RAB19: variants seen among roughly 807,000 people sequenced by gnomAD.
RAB19 encodes ras-related protein Rab-19.
Under a neutral mutation model 17.3 loss-of-function variants are expected in RAB19, and 21 were observed. The observed-to-expected ratio is 1.21, with a 90% CI of 0.86 to 1.74. RAB19 has a LOEUF of 1.74. RAB19 is among the 40% of genes most tolerant of loss of function. The pLI, the probability that RAB19 is intolerant of heterozygous loss-of-function variation, is 0.00. For synonymous variants in RAB19, 126 were observed against 110.4 expected, an observed-to-expected ratio of 1.14 and a Z score of -0.88; for missense variants, 277 against 286.8, an observed-to-expected ratio of 0.97 and a Z score of 0.25.
intron 2 of RAB19, among the ~76,000 whole-genome samples, chr7:140,408,948 C>T (rs879847507): frequency 3.3e-5 from 5 of 152,120 alleles, no homozygotes; most frequent in African/African-American, 4.8e-5. Flanking sequence ...GTTGTAGAGA[C>T]AGGATTTTCC....
chr7:140,413,681 G>A (rs1353961206), intron 3 of RAB19, among the ~76,000 whole-genome samples: 8 of 152,056 alleles, frequency 5.3e-5, no homozygotes, highest in Non-Finnish European at 1.2e-4. Flanking sequence ...CAGCCTGGGT[G>A]AGAAAGCAAA....
chr7:140,426,113 C>A lies in RAB19; in HGVS notation c.617C>A (p.Ala206Asp), dbSNP rs1197980303. The A allele has an allele frequency of 6.2e-7, 1 of 1,614,112 alleles. No individual in the cohort carries two copies. The highest frequency in any genetic ancestry group is 1.7e-5 in the Admixed American group (1 of 59,988). ...LPLDSSPVLM[A>D]QGPSEKTHCT... ...CTGGACTCCAGCCCCGTTCTTATGG[C>A]CCAGGGTCCAAGTGAAAAGACCCAC... The change falls in exon 4 of 4, where the codon GCC (alanine) becomes GAC (aspartate). Residue 206 changes from alanine to aspartate, a missense_variant. By Grantham distance (126) the Ala-to-Asp change is moderately radical. Coordinates refer to ENST00000537763, the MANE Select transcript of RAB19 (RefSeq NM_001008749.3).
intron 2 of RAB19, 32 bp downstream of exon 2, chr7:140,407,879 CCTT>C (rs528525202): frequency 0.02 from 16,461 of 842,176 alleles, 227 homozygotes; most frequent in Non-Finnish European, 0.022. Flanking sequence ...ACTGGTTCCA[CCTT>C]TTTTTTTTTT....
intron 3 of RAB19, among the ~76,000 whole-genome samples, chr7:140,423,631 C>T (rs1050134145): frequency 1.3e-5 from 2 of 152,066 alleles, no homozygotes; most frequent in African/African-American, 4.8e-5. Flanking sequence ...ATATAATATT[C>T]TGGAACTAGA....
chr7:140,413,101 G>A (rs1799396520), intron 3 of RAB19, among the ~76,000 whole-genome samples: 1 of 152,010 alleles, frequency 6.6e-6, no homozygotes, highest in African/African-American at 2.4e-5. Flanking sequence ...ACTCCATATG[G>A]GTATCCAGTT....
rs760964553 is a variant in RAB19 at position 140,409,992 on chromosome 7, CAA to C, written c.202-1863_202-1862del. On this transcript the variant is annotated intron_variant, in intron 2 of 3. Coordinates refer to ENST00000537763, the MANE Select transcript of RAB19 (RefSeq NM_001008749.3). ...TGGGCAACAGAGCGAGACTCCGTCT[CAA>C]AAAAAAAAAAAAAAAAAAGATAATA... 2.8e-3 allele frequency among the ~76,000 whole-genome samples: 265 copies of C among 94,148 alleles called. 1 individual carries two copies. Among genetic ancestry groups the C allele is most frequent in the East Asian group, 0.016 (55 of 3,458 alleles). The allele number at this position is 94,148 out of a possible 152,430, so 61.8% of individuals were successfully genotyped here. A position where few individuals can be genotyped will look rare whatever the true frequency, so the allele number is the denominator to read the frequency against.
At chr7:140,418,809 T>C (rs1219856374) in intron 3 of RAB19, among the ~76,000 whole-genome samples, 1 of 145,680 alleles carries the variant, frequency 6.9e-6, no homozygotes, top group Admixed American at 7.0e-5. Flanking sequence ...CAGTGAGCTG[T>C]GATCACACCA....
At chr7:140,418,857 T>TC (rs1799509607) in intron 3 of RAB19, among the ~76,000 whole-genome samples, 1 of 68,936 alleles carries the variant, frequency 1.5e-5, no homozygotes, top group Admixed American at 1.7e-4. Context: ...AAACCCTGTC[T>TC]CAAAAAAAAA....
chr7:140,425,397 A>G (rs1166047867), intron 3 of RAB19, among the ~76,000 whole-genome samples: 2 of 151,626 alleles, frequency 1.3e-5, no homozygotes, highest in Non-Finnish European at 2.9e-5. Flanking sequence ...AGCATCCAAC[A>G]CTCTGCTGTT....
At chr7:140,409,669 G>A (rs1427700384) in intron 2 of RAB19, among the ~76,000 whole-genome samples, 1 of 151,846 alleles carries the variant, frequency 6.6e-6, no homozygotes, top group African/African-American at 2.4e-5. Flanking sequence ...TTGCACTCCA[G>A]CCTGGGAGTC....
chr7:140,426,390 G>T lies in RAB19; in HGVS notation c.*240G>T, dbSNP rs1799672900. ...CACTGACTCTTGACTCCTGGAGAAG[G>T]CAGGACTTCAGGCTAGGAGAGGGAG... On this transcript the variant is annotated 3_prime_UTR_variant, in exon 4 of 4. Coordinates refer to ENST00000537763, the MANE Select transcript of RAB19 (RefSeq NM_001008749.3). The T allele has an allele frequency of 3.7e-5, 19 of 508,178 alleles. No homozygotes were observed. The East Asian group carries it at 5.9e-4, about 16-fold the overall frequency. 31.5% of individuals were successfully genotyped at this position (508,178 alleles called of 1,614,324 possible). A position where few individuals can be genotyped will look rare whatever the true frequency, so the allele number is the denominator to read the frequency against.
intron 3 of RAB19, among the ~76,000 whole-genome samples, chr7:140,419,944 T>TA (rs1219724590): frequency 1.3e-5 from 2 of 152,236 alleles, no homozygotes; most frequent in Non-Finnish European, 2.9e-5. Context: ...TGTTGTGAAA[T>TA]ACTTTTCAAG....
rs1799371646 is a variant in RAB19 at position 140,411,939 on chromosome 7, T to C, written c.267T>C (p.Ser89=). Residue 89 remains serine (S), a synonymous_variant, in exon 3 of 4, where the codon AGT becomes AGC. Coordinates refer to ENST00000537763, the MANE Select transcript of RAB19 (RefSeq NM_001008749.3). The part of the protein sequence containing the change: ...FRTITQSYYR[S]AHAAIIAYDL... ...CCATCACCCAAAGCTACTACCGCAG[T>C]GCCCACGCAGCCATCATCGCCTATG... The C allele has an allele frequency of 6.2e-7, 1 of 1,614,198 alleles. No homozygotes were observed. Among genetic ancestry groups the C allele is most frequent in the Non-Finnish European group, 8.5e-7 (1 of 1,180,044 alleles).
chr7:140,415,266 G>T lies in RAB19; in HGVS notation c.385+3209G>T, dbSNP rs569927588. ...ATTTTTGTGTTTTTAGTAGAGACAG[G>T]GTTTCACCATGTTGGCCAGACTGGT... On this transcript the variant is annotated intron_variant, in intron 3 of 3. Transcript: ENST00000537763. Among the ~76,000 whole-genome samples, 616 of 151,982 alleles carry T rather than the reference G, an allele frequency of 4.1e-3. 6 individuals carry two copies. Among genetic ancestry groups the T allele is most frequent in the Non-Finnish European group, 4.8e-3 (329 of 67,962 alleles).
intron 2 of RAB19, among the ~76,000 whole-genome samples, 197 bp downstream of exon 2, chr7:140,408,044 AT>A (rs35586721): frequency 0.027 from 3,904 of 142,326 alleles, 85 homozygotes; most frequent in Non-Finnish European, 0.039. Flanking sequence ...CGCCCGGCAA[AT>A]TTTTTTTTTT....
rs368683324 is a variant in RAB19, at chr7:140,413,436, C to T, written c.385+1379C>T. ...GTGATGAATGTCTTTGGGCCAGGCA[C>T]GGTGGTTCATGCCTGTAATCCCAGC... On this transcript the variant is annotated intron_variant, in intron 3 of 3. Transcript: ENST00000537763. Among the ~76,000 whole-genome samples the T allele has an allele frequency of 7.9e-5, 12 of 151,084 alleles. No individual in the cohort carries two copies. The South Asian group carries it at 1.7e-3, about 21-fold the overall frequency.
At chr7:140,424,965 T>C (rs1184168640) in intron 3 of RAB19, among the ~76,000 whole-genome samples, 3 of 152,010 alleles carry the variant, frequency 2.0e-5, no homozygotes, top group Non-Finnish European at 2.9e-5. Flanking sequence ...GGCAAACTTT[T>C]ATTGTATGTA....
intron 2 of RAB19, among the ~76,000 whole-genome samples, chr7:140,409,257 G>T (rs372435914): frequency 4.0e-5 from 6 of 151,850 alleles, no homozygotes; most frequent in African/African-American, 1.4e-4. Flanking sequence ...CCAGTTACTT[G>T]GGAGGCTGAG....
chr7:140,405,663 C>T (rs577430573), intron 1 of RAB19, among the ~76,000 whole-genome samples: 40 of 152,072 alleles, frequency 2.6e-4, no homozygotes, highest in African/African-American at 9.2e-4. Flanking sequence ...CAGGCATGAG[C>T]GACTGCGGCC....
Sources: allele counts gnomAD v4.1 joint callset (sites outside exome capture counted in the v4.1 genomes callset), GRCh38; gene constraint gnomAD v4.1.1; transcripts MANE v1.5; gene names NCBI Gene and HGNC (gene_info 2026-07-23, HGNC 2026-07-21).